Variants in DLGAP2 observed in about 807,000 individuals in gnomAD.
DLGAP2 encodes disks large-associated protein 2.
Under a neutral mutation model 100.3 loss-of-function variants are expected in DLGAP2, and 26 were observed. The observed-to-expected ratio is 0.26, with a 90% CI of 0.19 to 0.36. The LOEUF (loss-of-function observed/expected upper bound fraction) is 0.36. DLGAP2 is among the 10% of genes least tolerant of loss of function. The pLI is 1.00. For missense variants in DLGAP2, 1,858 were observed against 1,453.2 expected, an observed-to-expected ratio of 1.28 and a Z score of -4.53; for synonymous variants, 886 against 630.1, an observed-to-expected ratio of 1.41 and a Z score of -6.08.
rs544714083 is a variant in DLGAP2 at position 996,794 on chromosome 8, A to G, written c.73+88828A>G. On this transcript the variant is annotated intron_variant, in intron 2 of 14. Coordinates refer to ENST00000637795, the MANE Select transcript of DLGAP2 (RefSeq NM_001346810.2). ...GGAAGTGAGGAGAATCATAAGTGTG[A>G]GTTAATATGCGTGGCAGACATCTAT... 2.6e-5 allele frequency among the ~76,000 whole-genome samples: 4 copies of G among 152,316 alleles called. No homozygotes were observed. The South Asian group carries it at 8.3e-4, about 32-fold the overall frequency.
chr8:1,688,084 C>G lies in DLGAP2; in HGVS notation c.2705-3451C>G, dbSNP rs184396347. Among the ~76,000 whole-genome samples, 593 of 152,256 alleles carry G rather than the reference C, an allele frequency of 3.9e-3. 6 individuals carry two copies. The highest frequency in any genetic ancestry group is 0.014 in the African/African-American group (563 of 41,552). The stretch of plus-strand genomic sequence containing the variant: ...CACTGTCACCCCTGTCAAGAAACCA[C>G]TCAAACCCCACCGCCTCCAGCTGCT... On this transcript the variant is annotated intron_variant, in intron 12 of 14. Transcript: ENST00000637795.
chr8:1,454,940 C>A (rs1798264252), intron 3 of DLGAP2, among the ~76,000 whole-genome samples: 1 of 152,180 alleles, frequency 6.6e-6, no homozygotes, highest in South Asian at 2.1e-4. Context: ...CACCTCTGAG[C>A]TTCCCCGCCC....
At chr8:755,516 T>G (rs1021806331) in intron 1 of DLGAP2, among the ~76,000 whole-genome samples, 2 of 152,156 alleles carry the variant, frequency 1.3e-5, no homozygotes, top group African/African-American at 2.4e-5. Flanking sequence ...TTAATAATCT[T>G]AATTATAACT....
At chr8:1,238,440 C>G (rs1315015294) in intron 2 of DLGAP2, among the ~76,000 whole-genome samples, 2 of 132,666 alleles carry the variant, frequency 1.5e-5, no homozygotes, top group African/African-American at 2.8e-5. Flanking sequence ...TTCTAGTTCT[C>G]TCACATGGCG....
intron 4 of DLGAP2, among the ~76,000 whole-genome samples, chr8:1,544,426 C>T (rs1450507106): frequency 1.3e-5 from 2 of 152,212 alleles, no homozygotes; most frequent in African/African-American, 4.8e-5. Context: ...TTCAGCCCTT[C>T]AGCATTGAGT....
At chr8:1,052,262 A>T (rs1193697029) in intron 2 of DLGAP2, among the ~76,000 whole-genome samples, 2 of 152,196 alleles carry the variant, frequency 1.3e-5, no homozygotes, top group African/African-American at 4.8e-5. Flanking sequence ...GTTTTACCTC[A>T]TTCAGCTGTT....
intron 1 of DLGAP2, among the ~76,000 whole-genome samples, chr8:861,577 C>T (rs888147598): frequency 3.9e-5 from 6 of 152,180 alleles, no homozygotes; most frequent in Non-Finnish European, 8.8e-5. Context: ...GTAGTTTATC[C>T]GCTTTTATTT....
chr8:1,387,591 G>A (rs890180850), intron 3 of DLGAP2, among the ~76,000 whole-genome samples: 1 of 152,204 alleles, frequency 6.6e-6, no homozygotes, highest in African/African-American at 2.4e-5. Context: ...GGCTAGAATG[G>A]TGAATTTCGT....
chr8:1,057,607 C>G (rs1015251184), intron 2 of DLGAP2, among the ~76,000 whole-genome samples: 1 of 152,338 alleles, frequency 6.6e-6, no homozygotes, highest in South Asian at 2.1e-4. Context: ...CTATTCTAAA[C>G]ACCGACAAAG....
intron 2 of DLGAP2, among the ~76,000 whole-genome samples, chr8:986,702 T>G (rs573299808): frequency 6.7e-6 from 1 of 150,304 alleles, no homozygotes; most frequent in East Asian, 2.0e-4. Context: ...CTCTGTTGCC[T>G]AGGCTGGAGT....
chr8:848,924 G>GGTGCCTGTTCCAGCATAGGAACGTGCA (rs1797124945), intron 1 of DLGAP2, among the ~76,000 whole-genome samples: 1 of 149,902 alleles, frequency 6.7e-6, no homozygotes, highest in Non-Finnish European at 1.5e-5. Flanking sequence ...AGGAACGCGC[G>GGTGCCTGTTCCAGCATAGGAACGTGCA]GTGCCTGTTC....
intron 3 of DLGAP2, among the ~76,000 whole-genome samples, chr8:1,370,937 G>C (rs1382659366): frequency 6.6e-6 from 1 of 152,234 alleles, no homozygotes; most frequent in East Asian, 1.9e-4. Flanking sequence ...GATAGAATTT[G>C]AATAAGTTCA....
At chr8:1,225,534 A>G (rs952673892) in intron 2 of DLGAP2, among the ~76,000 whole-genome samples, 2 of 152,210 alleles carry the variant, frequency 1.3e-5, no homozygotes, top group Non-Finnish European at 2.9e-5. Flanking sequence ...AATGTATTAA[A>G]TGCCACTACA....
chr8:1,206,168 T>C (rs912701680), intron 2 of DLGAP2, among the ~76,000 whole-genome samples: 2 of 152,148 alleles, frequency 1.3e-5, no homozygotes, highest in South Asian at 4.1e-4. Context: ...GGGAAGGCGC[T>C]GTGAGAAGGG....
intron 3 of DLGAP2, among the ~76,000 whole-genome samples, chr8:1,419,071 C>G (rs942778452): frequency 6.6e-6 from 1 of 152,266 alleles, no homozygotes; most frequent in East Asian, 1.9e-4. Flanking sequence ...GGCACCGCCT[C>G]CCTGTGTTCA....
chr8:1,204,286 C>T (rs1025950948), intron 2 of DLGAP2, among the ~76,000 whole-genome samples: 15 of 152,226 alleles, frequency 9.9e-5, no homozygotes, highest in African/African-American at 3.4e-4. Context: ...GAGACAATCT[C>T]ATCATCTTCT....
intron 2 of DLGAP2, among the ~76,000 whole-genome samples, chr8:1,217,778 T>C (rs769629860): frequency 3.3e-5 from 5 of 152,234 alleles, no homozygotes; most frequent in South Asian, 4.2e-4. Context: ...TGACAACATC[T>C]GCTATTAATA....
At chr8:1,075,085 A>G (rs918658602) in intron 2 of DLGAP2, among the ~76,000 whole-genome samples, 10 of 152,228 alleles carry the variant, frequency 6.6e-5, no homozygotes, top group Non-Finnish European at 1.3e-4. Flanking sequence ...CCCACTGCAC[A>G]CACCTGCTGT....
At chr8:1,197,226 C>G (rs144915278) in intron 2 of DLGAP2, among the ~76,000 whole-genome samples, 37 of 152,258 alleles carry the variant, frequency 2.4e-4, no homozygotes, top group African/African-American at 8.4e-4. Context: ...CACTTCAGGT[C>G]TCTTCTGGAA....
Sources: gnomAD v4.1 joint callset for allele counts (sites outside exome capture counted in the v4.1 genomes callset) on GRCh38, gnomAD v4.1.1 for gene constraint, MANE v1.5 for transcripts, NCBI Gene and HGNC (gene_info 2026-07-23, HGNC 2026-07-21) for gene names.